GRIN2A: variants seen among roughly 807,000 people sequenced by gnomAD.
The protein encoded by GRIN2A is glutamate receptor ionotropic, NMDA 2A.
A neutral mutation model predicts 113.4 loss-of-function variants in GRIN2A; 22 were observed. That is an observed-to-expected ratio of 0.19 (90% confidence interval 0.14 to 0.28). GRIN2A has a LOEUF of 0.28. Among genes scored for constraint, GRIN2A ranks in the 10% least tolerant of loss-of-function variants. GRIN2A has a pLI of 1.00. For missense variants in GRIN2A, 1,502 were observed against 1,887.0 expected, an observed-to-expected ratio of 0.80 and a Z score of 3.78; for synonymous variants, 827 against 738.4, an observed-to-expected ratio of 1.12 and a Z score of -1.94.
chr16:9,785,487 T>C lies in GRIN2A; in HGVS notation c.2356+12790A>G, dbSNP rs1047593078. ...ATAGCATTAGGAGATATACCTAATG[T>C]TAAATGACGAGTTAATGGGTACAGC... On this transcript the variant is annotated intron_variant, in intron 11 of 12. Coordinates refer to ENST00000330684, the MANE Select transcript of GRIN2A (RefSeq NM_001134407.3). 7.3e-5 allele frequency among the ~76,000 whole-genome samples: 11 copies of C among 150,982 alleles called. No homozygotes were observed. The South Asian group carries it at 8.5e-4, about 12-fold the overall frequency.
chr16:10,081,709 A>G (rs1196033548), intron 2 of GRIN2A, among the ~76,000 whole-genome samples: 1 of 152,304 alleles, frequency 6.6e-6, no homozygotes, highest in African/African-American at 2.4e-5. Context: ...GCAGGGAAGC[A>G]CACATGAGAC....
chr16:10,113,864 A>G (rs1435708847), intron 2 of GRIN2A, among the ~76,000 whole-genome samples: 1 of 152,174 alleles, frequency 6.6e-6, no homozygotes, highest in Non-Finnish European at 1.5e-5. Flanking sequence ...AATTTAAAAG[A>G]CTATTTCATG....
At chr16:10,043,774 T>C (rs2084857386) in intron 2 of GRIN2A, among the ~76,000 whole-genome samples, 1 of 151,978 alleles carries the variant, frequency 6.6e-6, no homozygotes, top group South Asian at 2.1e-4. Context: ...CTGTGCCAAA[T>C]ACTCCTTTTG....
chr16:10,111,922 C>T, intron 2 of GRIN2A: 10 of 794,384 alleles, frequency 1.3e-5, no homozygotes, highest in Middle Eastern at 3.5e-4. Flanking sequence ...GGTGATGACG[C>T]CAAGGATCAA....
intron 7 of GRIN2A, among the ~76,000 whole-genome samples, chr16:9,835,427 A>G (rs2042569048): frequency 6.6e-6 from 1 of 152,182 alleles, no homozygotes; most frequent in African/African-American, 2.4e-5. Flanking sequence ...ATTATGTAAA[A>G]TAAGATTACT....
rs1051747166 is a variant in GRIN2A, at chr16:9,813,791, T to C, written c.2168+8473A>G. ...TGTGGAAGCAATTATTTTTGAGCTTTGTTTGCAGTGTGGGGGTGGATCTCA... is the reference window on the plus strand; with the variant it reads ...TGTGGAAGCAATTATTTTTGAGCTTCGTTTGCAGTGTGGGGGTGGATCTCA... On this transcript the variant is annotated intron_variant, in intron 10 of 12. Transcript: ENST00000330684. Among the ~76,000 whole-genome samples, 62 of 152,132 alleles carry C rather than the reference T, an allele frequency of 4.1e-4. 1 individual carries two copies. The highest frequency in any genetic ancestry group is 7.4e-5 in the Non-Finnish European group (5 of 68,022).
Position 10,180,623 on chromosome 16 carries a change from C to G in GRIN2A, c.-18-194G>C. ...GATCCATCTCTAACTCTATCCACAACTCCAATTCGAGCTAATTCTCCATCC... is the reference window on the plus strand; with the variant it reads ...GATCCATCTCTAACTCTATCCACAAGTCCAATTCGAGCTAATTCTCCATCC... On this transcript the variant is annotated intron_variant, in intron 1 of 12. Coordinates refer to ENST00000330684, the MANE Select transcript of GRIN2A (RefSeq NM_001134407.3). This position sits in a 1 kb window ranked among gnomAD's most constrained non-coding sequence, Gnocchi z 7.0. The G allele has an allele frequency of 2.1e-6, 2 of 931,708 alleles. No homozygotes were observed. The highest frequency in any genetic ancestry group is 1.7e-5 in the South Asian group (1 of 57,418). The allele number at this position is 931,708 out of a possible 1,614,324, so 57.7% of individuals were successfully genotyped here.
chr16:10,177,280 A>C (rs1420079776), intron 2 of GRIN2A, among the ~76,000 whole-genome samples: 1 of 152,192 alleles, frequency 6.6e-6, no homozygotes, highest in Non-Finnish European at 1.5e-5. Flanking sequence ...ACGACCTTTT[A>C]AACCAACTTC....
intron 2 of GRIN2A, among the ~76,000 whole-genome samples, chr16:10,108,646 G>A (rs911401547): frequency 1.3e-5 from 2 of 152,108 alleles, no homozygotes; most frequent in African/African-American, 4.8e-5. Flanking sequence ...TGTAGCCGGG[G>A]TTAAAGCTGA....
rs367925597 is a variant in GRIN2A, at chr16:9,756,090, A to G, written c.*7059T>C. 18 of 226,072 alleles carry G rather than the reference A, an allele frequency of 8.0e-5. No homozygotes were observed. The highest frequency in any genetic ancestry group is 3.6e-4 in the African/African-American group (16 of 45,036). 14.0% of individuals were successfully genotyped at this position (226,072 alleles called of 1,614,324 possible). On this transcript the variant is annotated 3_prime_UTR_variant, in exon 13 of 13. Coordinates refer to ENST00000330684, the MANE Select transcript of GRIN2A (RefSeq NM_001134407.3). ...ATCACCTCTTTGAACATGGGTCACA[A>G]TATTTAGGAGGACTTTAATGGAGGG...
At chr16:9,929,249 CT>C (rs1405371225) in intron 3 of GRIN2A, among the ~76,000 whole-genome samples, 1 of 151,868 alleles carries the variant, frequency 6.6e-6, no homozygotes, top group Non-Finnish European at 1.5e-5. Flanking sequence ...TACTCAGACT[CT>C]TCTCTCTGAT....
At chr16:10,084,358 A>T (rs1033484805) in intron 2 of GRIN2A, among the ~76,000 whole-genome samples, 1 of 152,152 alleles carries the variant, frequency 6.6e-6, no homozygotes, top group African/African-American at 2.4e-5. Flanking sequence ...ACCCCTTTTC[A>T]TGTCAGTCTT....
chr16:9,992,918 A>C (rs1405193607), intron 2 of GRIN2A, among the ~76,000 whole-genome samples: 1 of 152,166 alleles, frequency 6.6e-6, no homozygotes, highest in East Asian at 1.9e-4. Context: ...CATATCTAAA[A>C]AATAAGATAA....
At chr16:9,929,798 C>T (rs1052811776) in intron 3 of GRIN2A, among the ~76,000 whole-genome samples, 9 of 152,188 alleles carry the variant, frequency 5.9e-5, no homozygotes, top group Admixed American at 1.3e-4. Context: ...CCTTTTTGTT[C>T]GGCATTCTGG....
At chr16:9,965,475 G>T (rs970557833) in intron 2 of GRIN2A, among the ~76,000 whole-genome samples, 1 of 152,182 alleles carries the variant, frequency 6.6e-6, no homozygotes, top group African/African-American at 2.4e-5. Context: ...TATAGAATAA[G>T]AGACTTTTGG....
intron 2 of GRIN2A, among the ~76,000 whole-genome samples, chr16:10,014,804 A>G (rs184331157): frequency 2.8e-4 from 43 of 152,354 alleles, no homozygotes; most frequent in African/African-American, 1.0e-3. Flanking sequence ...AAAGAGACTT[A>G]TGCAGTGAGT....
At chr16:9,974,559 G>A (rs1277745075) in intron 2 of GRIN2A, among the ~76,000 whole-genome samples, 2 of 152,190 alleles carry the variant, frequency 1.3e-5, no homozygotes. Flanking sequence ...CAACTCTTGA[G>A]ACAGGAGTCT....
chr16:9,806,361 T>G (rs991023854), intron 10 of GRIN2A, among the ~76,000 whole-genome samples: 14 of 152,244 alleles, frequency 9.2e-5, no homozygotes, highest in African/African-American at 3.4e-4. Context: ...CATCTATGGA[T>G]TTTTAGTCAA....
intron 2 of GRIN2A, among the ~76,000 whole-genome samples, chr16:9,979,925 G>A (rs2141771006): frequency 6.7e-6 from 1 of 150,268 alleles, no homozygotes; most frequent in African/African-American, 2.4e-5. Flanking sequence ...TATTGAAAAT[G>A]AAACTATAGA....
Sources: gnomAD v4.1 joint callset for allele counts (sites outside exome capture counted in the v4.1 genomes callset) on GRCh38, gnomAD v4.1.1 for gene constraint, Gnocchi (gnomAD v3.1) non-coding constraint, MANE v1.5 for transcripts, NCBI Gene and HGNC (gene_info 2026-07-23, HGNC 2026-07-21) for gene names.